AKR1D1: variants seen among roughly 807,000 people sequenced by gnomAD.
AKR1D1 encodes the protein aldo-keto reductase family 1 member D1, also known as delta(4)-3-ketosteroid 5-beta-reductase.
In AKR1D1, 32 loss-of-function variants were observed where a neutral mutation model predicts 42.6. The ratio of observed to expected loss-of-function variants is 0.75; its 90% CI spans 0.57 to 1.01. AKR1D1 has a LOEUF of 1.01. Among genes scored for constraint, AKR1D1 ranks in the 50% least tolerant of loss-of-function variants. The pLI, the probability that AKR1D1 is intolerant of heterozygous loss-of-function variation, is 0.00. For synonymous variants in AKR1D1, 123 were observed against 135.5 expected (o/e 0.91, Z 0.64); for missense variants, 364 against 402.2 (o/e 0.91, Z 0.81).
intron 1 of AKR1D1, among the ~76,000 whole-genome samples, chr7:138,087,599 A>G (rs1357322388): frequency 6.6e-6 from 1 of 152,200 alleles, no homozygotes; most frequent in Non-Finnish European, 1.5e-5. Flanking sequence ...AGAGTATGAC[A>G]TATATACATC....
chr7:138,113,560 A>G (rs563287640), intron 7 of AKR1D1, 130 bp from the exon 8 acceptor site: 12 of 783,592 alleles, frequency 1.5e-5, no homozygotes, highest in African/African-American at 1.0e-4. Context: ...GTAGCCCCCC[A>G]ACACCAGCCT....
chr7:138,077,149 T>C (rs1037419839), intron 1 of AKR1D1, among the ~76,000 whole-genome samples: 1 of 152,180 alleles, frequency 6.6e-6, no homozygotes, highest in Non-Finnish European at 1.5e-5. Flanking sequence ...GTAAACAGTC[T>C]CTGAAAGCAT....
At chr7:138,113,249 G>C (rs1004570815) in intron 7 of AKR1D1, among the ~76,000 whole-genome samples, 2 of 151,864 alleles carry the variant, frequency 1.3e-5, no homozygotes, top group African/African-American at 4.8e-5. Flanking sequence ...CCAGGAGGTG[G>C]AGGTTGCAGT....
At chr7:138,097,253 A>G (rs911543485) in intron 3 of AKR1D1, among the ~76,000 whole-genome samples, 1 of 152,174 alleles carries the variant, frequency 6.6e-6, no homozygotes, top group South Asian at 2.1e-4. Flanking sequence ...CCTATTGCAT[A>G]CAGCCCGTTA....
In AKR1D1 at chr7:138,097,948, G is replaced by A. The variant is rs1382190061; in HGVS notation, c.456+5G>A. On this transcript the variant is annotated splice_donor_5th_base_variant and intron_variant, in intron 4 of 8. Coordinates refer to ENST00000242375, the MANE Select transcript of AKR1D1 (RefSeq NM_005989.4). ...AATCTGTGTGCCACTTGGGAGGTAAGTTCAAATGTGCTTCTTATTTTAAAA... is the reference window on the plus strand; with the variant it reads ...AATCTGTGTGCCACTTGGGAGGTAAATTCAAATGTGCTTCTTATTTTAAAA... The A allele has an allele frequency of 6.2e-7, 1 of 1,601,190 alleles. No individual in the cohort carries two copies.
intron 1 of AKR1D1, among the ~76,000 whole-genome samples, chr7:138,087,545 A>G (rs1216486895): frequency 2.6e-5 from 4 of 152,256 alleles, no homozygotes; most frequent in Admixed American, 1.3e-4. Flanking sequence ...TTGAGATATA[A>G]CTGACATATA....
intron 1 of AKR1D1, among the ~76,000 whole-genome samples, chr7:138,081,506 CTTTTTTTTTTTTTTTTTTTTTTTTTT>C (rs61466734): frequency 2.1e-5 from 1 of 47,622 alleles, no homozygotes; most frequent in Non-Finnish European, 3.7e-5. Context: ...GAACTCCTAC[CTTTTTTTTTTTTTTTTTTTTTTTTTT>C]TTTTTTTTTT....
intron 7 of AKR1D1, among the ~76,000 whole-genome samples, chr7:138,107,907 C>T (rs1794465222): frequency 6.6e-6 from 1 of 151,772 alleles, no homozygotes; most frequent in Non-Finnish European, 1.5e-5. Flanking sequence ...TAGTCTGGAA[C>T]TCCTGTCTTC....
rs556013864 is a variant in AKR1D1 at position 138,081,395 on chromosome 7, T to C, written c.93+4784T>C. 4.1e-4 allele frequency among the ~76,000 whole-genome samples: 62 copies of C among 152,144 alleles called. 1 individual carries two copies. The highest frequency in any genetic ancestry group is 3.8e-3 in the Admixed American group (58 of 15,274). ...CTCTCACACACACTCTCCACCTCCA[T>C]TGCATGGTGTCTTGGTGTGCAGCTC... On this transcript the variant is annotated intron_variant, in intron 1 of 8. Coordinates refer to ENST00000242375, the MANE Select transcript of AKR1D1 (RefSeq NM_005989.4).
chr7:138,092,248 T>G (rs1017776579), intron 3 of AKR1D1, among the ~76,000 whole-genome samples: 15 of 152,208 alleles, frequency 9.9e-5, no homozygotes, highest in African/African-American at 3.4e-4. Context: ...TAGTTTAAGC[T>G]CTCTGCATCA....
intron 7 of AKR1D1, among the ~76,000 whole-genome samples, chr7:138,112,926 G>T (rs1000666822): frequency 4.6e-5 from 7 of 152,038 alleles, no homozygotes; most frequent in South Asian, 2.1e-4. Context: ...AATGTAATTA[G>T]AATAAAAAGG....
intron 7 of AKR1D1, among the ~76,000 whole-genome samples, chr7:138,110,900 A>C (rs1403776686): frequency 6.6e-6 from 1 of 152,184 alleles, no homozygotes; most frequent in East Asian, 1.9e-4. Context: ...CTTTGTTGCC[A>C]TCATCCACTG....
chr7:138,110,159 T>A (rs10228366), intron 7 of AKR1D1, among the ~76,000 whole-genome samples: 120,778 of 152,082 alleles, frequency 0.79, 48,257 homozygotes, highest in African/African-American at 0.86. Context: ...AACAAAATAA[T>A]AAATTATGCT....
chr7:138,118,113 GT>G lies in AKR1D1; in HGVS notation c.*1455del, dbSNP rs1336178188. ...GATGAGAGAGTTCTTCAAAAATTATGTTTTCCCAAGATCAGTTGCTTATAGA... is the reference window on the plus strand; with the variant it reads ...GATGAGAGAGTTCTTCAAAAATTATGTTTCCCAAGATCAGTTGCTTATAGA... On this transcript the variant is annotated 3_prime_UTR_variant, in exon 9 of 9. Coordinates refer to ENST00000242375, the MANE Select transcript of AKR1D1 (RefSeq NM_005989.4). 5 of 152,164 alleles carry G rather than the reference GT, an allele frequency of 3.3e-5. No individual in the cohort carries two copies. Among genetic ancestry groups the G allele is most frequent in the African/African-American group, 7.2e-5 (3 of 41,448 alleles). 9.4% of individuals were successfully genotyped at this position (152,164 alleles called of 1,614,324 possible).
intron 8 of AKR1D1, among the ~76,000 whole-genome samples, chr7:138,114,149 TA>T (rs374931404): frequency 1.6e-4 from 24 of 151,714 alleles, no homozygotes; most frequent in Non-Finnish European, 2.9e-4. Flanking sequence ...AGCAAAGTTA[TA>T]AAAAAAAATT....
rs1794644939 is a variant in AKR1D1 at position 138,116,897 on chromosome 7, A to T, written c.*235A>T. On this transcript the variant is annotated 3_prime_UTR_variant, in exon 9 of 9. Transcript: ENST00000242375. ...GGAAATTATCAACTAATTTTTTCAGATCAGTATCTTCTAGATTCCAGACAG... is the reference window on the plus strand; with the variant it reads ...GGAAATTATCAACTAATTTTTTCAGTTCAGTATCTTCTAGATTCCAGACAG... 2 of 514,996 alleles carry T rather than the reference A, an allele frequency of 3.9e-6. No individual in the cohort carries two copies. The highest frequency in any genetic ancestry group is 3.0e-5 in the South Asian group (1 of 32,856). 31.9% of individuals were successfully genotyped at this position (514,996 alleles called of 1,614,324 possible).
chr7:138,116,513 T>C, intron 8 of AKR1D1, 107 bp from the exon 9 acceptor site: 5 of 1,217,948 alleles, frequency 4.1e-6, no homozygotes, highest in Non-Finnish European at 6.1e-6. Flanking sequence ...GAGGAATGAA[T>C]AGGAGAGAGG....
At chr7:138,106,570 C>T (rs1794437377) in intron 5 of AKR1D1, 38 bp from the exon 6 acceptor site, 1 of 1,536,592 alleles carries the variant, frequency 6.5e-7, no homozygotes, top group Non-Finnish European at 9.0e-7. Context: ...ACAACGTGGC[C>T]TTGATTTTGT....
chr7:138,092,062 T>TCTGCACCATG (rs1562933163), intron 3 of AKR1D1, among the ~76,000 whole-genome samples, 178 bp downstream of exon 3: 18 of 152,184 alleles, frequency 1.2e-4, no homozygotes, highest in African/African-American at 3.9e-4. Context: ...TGCATGAAGC[T>TCTGCACCATG]AGCGTATTAC....
Sources: gnomAD v4.1 joint callset for allele counts (sites outside exome capture counted in the v4.1 genomes callset) on GRCh38, gnomAD v4.1.1 for gene constraint, MANE v1.5 for transcripts, NCBI Gene and HGNC (gene_info 2026-07-23, HGNC 2026-07-21) for gene names.